The following JPH3 variants were observed in gnomAD, a reference collection of about 807,000 sequenced individuals.
JPH3 encodes junctophilin 3.
A neutral mutation model predicts 59.6 loss-of-function variants in JPH3; 11 were observed. The observed-to-expected ratio is 0.18, with a 90% CI of 0.12 to 0.31. JPH3 has a LOEUF of 0.31. Ranked by LOEUF, JPH3 falls within the 10% of genes least tolerant of loss-of-function variation. The probability of loss-of-function intolerance (pLI) is 1.00; values close to 1 mark genes in which losing one functional copy is unlikely to be tolerated. For missense variants in JPH3, 1,202 were observed against 1,105.7 expected (o/e 1.09, Z -1.24); for synonymous variants, 673 against 483.6 (o/e 1.39, Z -5.14).
At chr16:87,671,201 G>A (rs1258478110) in intron 2 of JPH3, among the ~76,000 whole-genome samples, 1 of 152,166 alleles carries the variant, frequency 6.6e-6, no homozygotes, top group African/African-American at 2.4e-5. Context: ...GCACAGACAC[G>A]TCTCTCTGTT....
chr16:87,613,081 GTTTC>G (rs1215284613), intron 1 of JPH3, among the ~76,000 whole-genome samples: 1 of 145,646 alleles, frequency 6.9e-6, no homozygotes, highest in African/African-American at 2.6e-5. Flanking sequence ...CAATACCTAC[GTTTC>G]TTTCTTTCTC....
At chr16:87,677,346 G>A (rs1056334266) in intron 2 of JPH3, among the ~76,000 whole-genome samples, 3 of 151,970 alleles carry the variant, frequency 2.0e-5, no homozygotes, top group African/African-American at 4.8e-5. Context: ...TCATGCCACT[G>A]TACTGCAGCC....
At chr16:87,672,194 G>A (rs1171837707) in intron 2 of JPH3, among the ~76,000 whole-genome samples, 1 of 152,140 alleles carries the variant, frequency 6.6e-6, no homozygotes, top group African/African-American at 2.4e-5. Flanking sequence ...GGTGAGGGGA[G>A]GCGGCAGCAA....
rs1180211002 is a variant in JPH3 at position 87,689,866 on chromosome 16, G to A, written c.1506G>A (p.Ser502=). The A allele has an allele frequency of 2.0e-6, 3 of 1,500,124 alleles. No homozygotes were observed. The highest frequency in any genetic ancestry group is 2.7e-6 in the Non-Finnish European group (3 of 1,124,502). The allele number at this position is 1,500,124 out of a possible 1,614,324, so 92.9% of individuals were successfully genotyped here. A position where few individuals can be genotyped will look rare whatever the true frequency, so the allele number is the denominator to read the frequency against. The change falls in exon 4 of 5, where the codon TCG becomes TCA. Residue 502 remains serine (S), a synonymous_variant. Transcript: ENST00000284262. The part of the protein sequence containing the change: ...PAARNKVAHF[S]RQVSVDEERG... ...CCAGGAACAAGGTCGCCCACTTCTC[G>A]AGGCAGGTGTCGGTGGACGAGGAGC... is the stretch of plus-strand genomic sequence containing the variant.
chr16:87,667,995 C>T (rs184138258), intron 2 of JPH3, among the ~76,000 whole-genome samples: 19 of 152,318 alleles, frequency 1.2e-4, no homozygotes, highest in Non-Finnish European at 2.5e-4. Context: ...CGGCTCTGAA[C>T]AGGCTCTGTG....
chr16:87,638,424 G>T (rs4843642), intron 1 of JPH3, among the ~76,000 whole-genome samples: 75,386 of 151,824 alleles, frequency 0.5, 19,154 homozygotes, highest in Non-Finnish European at 0.53. Context: ...TGGCCGGAAC[G>T]CCAGAGGCTA....
chr16:87,648,359 C>T (rs548001710), intron 2 of JPH3, among the ~76,000 whole-genome samples: 1 of 152,206 alleles, frequency 6.6e-6, no homozygotes. Context: ...AGCATGAGAG[C>T]GGCCGCACCA....
intron 4 of JPH3, chr16:87,694,753 C>T (rs573912202): frequency 3.0e-5 from 5 of 166,338 alleles, no homozygotes; most frequent in Admixed American, 2.3e-4. Context: ...CCATCACCCC[C>T]AATTCTATCT....
chr16:87,692,931 G>GGCT (rs1294737147), intron 4 of JPH3, among the ~76,000 whole-genome samples: 2 of 152,230 alleles, frequency 1.3e-5, no homozygotes, highest in East Asian at 3.8e-4. Context: ...CCCCACTACA[G>GGCT]GCTGACTAGC....
At chr16:87,617,290 T>C (rs1053963967) in intron 1 of JPH3, among the ~76,000 whole-genome samples, 2 of 152,128 alleles carry the variant, frequency 1.3e-5, no homozygotes, top group African/African-American at 4.8e-5. Flanking sequence ...TGCTGGGCGG[T>C]GTCCCACGGT....
chr16:87,605,840 G>T (rs142806871), intron 1 of JPH3, among the ~76,000 whole-genome samples: 5 of 152,310 alleles, frequency 3.3e-5, no homozygotes, highest in African/African-American at 1.2e-4. Flanking sequence ...AGCCCAGATT[G>T]TCAACATCCT....
rs545999953 is a variant in JPH3 at position 87,696,972 on chromosome 16, G to A, written c.*312G>A. The A allele has an allele frequency of 1.6e-5, 6 of 380,412 alleles. No individual in the cohort carries two copies. The highest frequency in any genetic ancestry group is 7.3e-5 in the South Asian group (3 of 41,128). The allele number at this position is 380,412 out of a possible 1,614,324, so 23.6% of individuals were successfully genotyped here. A position where few individuals can be genotyped will look rare whatever the true frequency, so the allele number is the denominator to read the frequency against. On this transcript the variant is annotated 3_prime_UTR_variant, in exon 5 of 5. Coordinates refer to ENST00000284262, the MANE Select transcript of JPH3 (RefSeq NM_020655.4). ...ATCCCGGCACATCAGTGGTAACAGC[G>A]GACGTTGTCCTCGTGGTCACACGTC...
intron 1 of JPH3, among the ~76,000 whole-genome samples, chr16:87,639,551 C>G (rs1329165144): frequency 3.9e-5 from 6 of 152,054 alleles, no homozygotes; most frequent in African/African-American, 1.5e-4. Flanking sequence ...CCAGAACTTT[C>G]TCATCTTCCC....
chr16:87,636,031 C>A (rs76667311), intron 1 of JPH3, among the ~76,000 whole-genome samples: 1,808 of 152,346 alleles, frequency 0.012, 21 homozygotes, highest in South Asian at 0.042. Flanking sequence ...CCGAGCCAGA[C>A]CCTCGCGGCG....
intron 4 of JPH3, chr16:87,695,670 T>C (rs1190523827): frequency 4.4e-6 from 2 of 455,772 alleles, no homozygotes; most frequent in African/African-American, 2.0e-5. Context: ...ACTGTATCTG[T>C]AGGGCAGCAC....
In JPH3 at chr16:87,645,033, C is replaced by A. The variant is rs769124560; in HGVS notation, c.1158C>A (p.Ser386=). 6.2e-7 allele frequency: 1 copy of A among 1,600,702 alleles called. No individual in the cohort carries two copies. Among genetic ancestry groups the A allele is most frequent in the Non-Finnish European group, 8.5e-7 (1 of 1,178,164 alleles). ...IAKQKAEIAA[S]RTSHSRAKAE... ...AGCAGAAGGCTGAGATCGCGGCTTC[C>A]AGGTAGGAGGGCGAGGGGGCGGGGG... The change falls in exon 2 of 5, where the codon TCC becomes TCA. Residue 386 remains serine (S), a splice_region_variant and synonymous_variant. Transcript: ENST00000284262.
chr16:87,672,548 C>T (rs867731896), intron 2 of JPH3, among the ~76,000 whole-genome samples: 29 of 152,340 alleles, frequency 1.9e-4, no homozygotes, highest in Middle Eastern at 3.4e-3. Flanking sequence ...TCACTTTCAT[C>T]CTGTATTGGG....
intron 1 of JPH3, among the ~76,000 whole-genome samples, chr16:87,626,862 G>T (rs1245639961): frequency 6.6e-6 from 1 of 152,214 alleles, no homozygotes; most frequent in Non-Finnish European, 1.5e-5. Flanking sequence ...AAATAGAGGA[G>T]GGCATGGTGG....
intron 3 of JPH3, among the ~76,000 whole-genome samples, chr16:87,687,464 C>T (rs1208232012): frequency 6.6e-6 from 1 of 152,212 alleles, no homozygotes. Flanking sequence ...CCCGAGAACT[C>T]TGACCGTCAG....
Sources: allele counts gnomAD v4.1 joint callset (sites outside exome capture counted in the v4.1 genomes callset), GRCh38; gene constraint gnomAD v4.1.1; transcripts MANE v1.5; gene names NCBI Gene and HGNC (gene_info 2026-07-23, HGNC 2026-07-21).